Variants in NPAS3 observed in about 807,000 individuals in gnomAD.
NPAS3 encodes neuronal PAS domain-containing protein 3.
Under a neutral mutation model 73.1 loss-of-function variants are expected in NPAS3, and 14 were observed. The ratio of observed to expected loss-of-function variants is 0.19; its 90% CI spans 0.13 to 0.30. The LOEUF is 0.30. Among genes scored for constraint, NPAS3 ranks in the 10% least tolerant of loss-of-function variants. NPAS3 has a pLI of 1.00. For synonymous variants in NPAS3, 620 were observed against 541.5 expected, an observed-to-expected ratio of 1.14 and a Z score of -2.01; for missense variants, 1,096 against 1,250.0, an observed-to-expected ratio of 0.88 and a Z score of 1.86.
intron 3 of NPAS3, among the ~76,000 whole-genome samples, chr14:33,255,816 T>C (rs781562086): frequency 3.9e-5 from 6 of 152,190 alleles, no homozygotes; most frequent in Non-Finnish European, 5.9e-5. Context: ...TTATTGAGGA[T>C]TGATGGTCGA....
chr14:33,587,343 T>C (rs777441977), intron 5 of NPAS3, among the ~76,000 whole-genome samples: 18 of 152,206 alleles, frequency 1.2e-4, no homozygotes, highest in Non-Finnish European at 2.5e-4. Flanking sequence ...AGAAATTCCT[T>C]AAGATGGCAG....
At chr14:33,258,875 G>A (rs758623325) in intron 3 of NPAS3, among the ~76,000 whole-genome samples, 7 of 152,232 alleles carry the variant, frequency 4.6e-5, no homozygotes, top group African/African-American at 9.6e-5. Context: ...GTGCAGTGGC[G>A]TGATCCCTGC....
chr14:33,369,052 A>G (rs1418936443), intron 4 of NPAS3, among the ~76,000 whole-genome samples: 1 of 152,162 alleles, frequency 6.6e-6, no homozygotes, highest in African/African-American at 2.4e-5. Flanking sequence ...AACTAACACA[A>G]ACTTAGGAGT....
chr14:33,713,049 C>T (rs1470302053), intron 6 of NPAS3, among the ~76,000 whole-genome samples: 1 of 152,166 alleles, frequency 6.6e-6, no homozygotes. Context: ...TGAAAATGAT[C>T]ATCCCTTCTT....
chr14:33,383,088 T>TAAAA (rs34877774), intron 4 of NPAS3, among the ~76,000 whole-genome samples: 4 of 104,288 alleles, frequency 3.8e-5, no homozygotes, highest in South Asian at 3.2e-4. Context: ...GACCCTGTCT[T>TAAAA]AAAAAAAAAA....
chr14:33,358,902 A>G (rs2045465915), intron 3 of NPAS3, among the ~76,000 whole-genome samples: 1 of 152,244 alleles, frequency 6.6e-6, no homozygotes, highest in South Asian at 2.1e-4. Context: ...TTTTGGATGA[A>G]TAAATGTAAT....
chr14:33,414,148 G>A (rs939860918), intron 4 of NPAS3, among the ~76,000 whole-genome samples: 1 of 152,054 alleles, frequency 6.6e-6, no homozygotes, highest in African/African-American at 2.4e-5. Flanking sequence ...ATCAGAGCAA[G>A]CTTAAATGAT....
chr14:33,014,636 T>C (rs1333690108), intron 1 of NPAS3, among the ~76,000 whole-genome samples: 1 of 152,178 alleles, frequency 6.6e-6, no homozygotes, highest in African/African-American at 2.4e-5. Flanking sequence ...AATAAATTTG[T>C]TGAACTGTGG....
intron 7 of NPAS3, among the ~76,000 whole-genome samples, chr14:33,758,301 T>G (rs886378903): frequency 6.6e-6 from 1 of 152,194 alleles, no homozygotes; most frequent in Admixed American, 6.5e-5. Context: ...CTAATACCAG[T>G]CAAATCCTAC....
chr14:33,350,943 C>A (rs1012284609), intron 3 of NPAS3, among the ~76,000 whole-genome samples: 1 of 152,150 alleles, frequency 6.6e-6, no homozygotes, highest in Non-Finnish European at 1.5e-5. Context: ...TTTAGTGCAG[C>A]AATTTATCTG....
intron 2 of NPAS3, among the ~76,000 whole-genome samples, chr14:33,103,789 C>G (rs1470926431): frequency 6.6e-6 from 1 of 152,068 alleles, no homozygotes; most frequent in Non-Finnish European, 1.5e-5. Context: ...GAGATTGTGT[C>G]TTCCAGAGAG....
downstream of NPAS3, chr14:33,801,214 G>A: frequency 6.7e-7 from 1 of 1,495,636 alleles, no homozygotes; most frequent in Non-Finnish European, 8.8e-7. Context: ...GCAGGTCAGC[G>A]TCTTCTCTCG....
chr14:33,597,795 A>G (rs992296780), intron 5 of NPAS3, among the ~76,000 whole-genome samples: 1 of 152,226 alleles, frequency 6.6e-6, no homozygotes, highest in African/African-American at 2.4e-5. Context: ...TGGTTTTTTA[A>G]AGGGTAAATT....
intron 1 of NPAS3, among the ~76,000 whole-genome samples, chr14:33,035,830 C>T (rs188803342): frequency 9.9e-5 from 15 of 152,214 alleles, no homozygotes; most frequent in African/African-American, 3.1e-4. Flanking sequence ...GTACGGGGGA[C>T]GCCTTTACAA....
At position 32,989,643 on chromosome 14, in the gene NPAS3, AAAC is replaced by A. The variant is rs140844361; in HGVS notation, c.50+50304_50+50306del. ...CTGGGCGACAGCGAGACTCGGTCTCAAACAACAACAACAACAACAACAACAACA... is the reference window on the plus strand; with the variant it reads ...CTGGGCGACAGCGAGACTCGGTCTCAAACAACAACAACAACAACAACAACA... On this transcript the variant is annotated intron_variant, in intron 1 of 11. Coordinates refer to ENST00000356141, the Ensembl canonical transcript of NPAS3. Among the ~76,000 whole-genome samples, 206 of 151,324 alleles carry A rather than the reference AAAC, an allele frequency of 1.4e-3. 1 individual carries two copies. The highest frequency in any genetic ancestry group is 3.6e-3 in the African/African-American group (148 of 41,030).
At chr14:33,395,231 A>T (rs554851514) in intron 4 of NPAS3, among the ~76,000 whole-genome samples, 1 of 152,288 alleles carries the variant, frequency 6.6e-6, no homozygotes, top group South Asian at 2.1e-4. Flanking sequence ...CGTAATCAGC[A>T]GATACTTTAA....
chr14:33,312,951 T>C (rs943263758), intron 3 of NPAS3, among the ~76,000 whole-genome samples: 4 of 152,084 alleles, frequency 2.6e-5, no homozygotes, highest in Non-Finnish European at 5.9e-5. Flanking sequence ...CCTTTAATTA[T>C]GGCATCCATT....
intron 2 of NPAS3, among the ~76,000 whole-genome samples, chr14:33,174,903 C>T (rs536557603): frequency 3.3e-5 from 5 of 152,208 alleles, no homozygotes; most frequent in Admixed American, 6.5e-5. Flanking sequence ...GCAAGGGAAA[C>T]ATATGGAATA....
chr14:33,082,545 T>C (rs1212871516), intron 2 of NPAS3, among the ~76,000 whole-genome samples: 2 of 152,230 alleles, frequency 1.3e-5, no homozygotes, highest in Admixed American at 6.5e-5. Context: ...GAATTTTATG[T>C]TGTGACGTTT....
Sources: gnomAD v4.1 joint callset for allele counts (sites outside exome capture counted in the v4.1 genomes callset) on GRCh38, gnomAD v4.1.1 for gene constraint, MANE v1.5 for transcripts, NCBI Gene and HGNC (gene_info 2026-07-23, HGNC 2026-07-21) for gene names.